PCBP3: variants seen among roughly 807,000 people sequenced by gnomAD.
PCBP3 encodes poly(rC)-binding protein 3.
Under a neutral mutation model 52.7 loss-of-function variants are expected in PCBP3, and 25 were observed. The observed-to-expected ratio is 0.47, with a 90% CI of 0.35 to 0.66. The LOEUF (loss-of-function observed/expected upper bound fraction) is 0.66, where lower values mean the gene tolerates loss of function less well. Ranked by LOEUF, PCBP3 falls within the 30% of genes least tolerant of loss-of-function variation. PCBP3 has a pLI of 0.01. For synonymous variants in PCBP3, 162 were observed against 183.0 expected (o/e 0.89, Z 0.93); for missense variants, 391 against 490.3 (o/e 0.80, Z 1.91).
intron 5 of PCBP3, among the ~76,000 whole-genome samples, chr21:45,874,996 T>C (rs908986227): frequency 6.6e-6 from 1 of 152,178 alleles, no homozygotes; most frequent in African/African-American, 2.4e-5. Flanking sequence ...GCCAGCCCCC[T>C]GTCCAAGTAG....
intron 2 of PCBP3, among the ~76,000 whole-genome samples, chr21:45,679,235 C>T (rs2081670480): frequency 6.6e-6 from 1 of 152,068 alleles, no homozygotes; most frequent in Non-Finnish European, 1.5e-5. Context: ...ATTGTCCTGC[C>T]TCAGCCTCCT....
At chr21:45,908,320 G>A (rs1028976970) in intron 9 of PCBP3, among the ~76,000 whole-genome samples, 1 of 152,246 alleles carries the variant, frequency 6.6e-6, no homozygotes, top group African/African-American at 2.4e-5. Flanking sequence ...TCCCTAACCC[G>A]ACACCTTGAC....
chr21:45,860,216 C>A (rs749739563), intron 5 of PCBP3, among the ~76,000 whole-genome samples: 6 of 152,240 alleles, frequency 3.9e-5, no homozygotes, highest in Non-Finnish European at 7.3e-5. Context: ...CTTCCTGTGG[C>A]TTCCAAGTCC....
rs1055377041 is a variant in PCBP3 at position 45,805,154 on chromosome 21, C to T, written c.-125-44807C>T. Among the ~76,000 whole-genome samples the T allele has an allele frequency of 4.7e-4, 71 of 152,160 alleles. 1 individual carries two copies. Among genetic ancestry groups the T allele is most frequent in the Non-Finnish European group, 1.2e-4 (8 of 68,030 alleles). Reference sequence around the variant, plus strand: ...CTTGGGCCATGGCTACCACATATGGCGCTTCCTAGCCGGGCACTATGCCAC... The same window carrying T: ...CTTGGGCCATGGCTACCACATATGGTGCTTCCTAGCCGGGCACTATGCCAC... On this transcript the variant is annotated intron_variant, in intron 4 of 17. Coordinates refer to ENST00000681687, the MANE Select transcript of PCBP3 (RefSeq NM_001384156.1). This position sits in a 1 kb window ranked among gnomAD's most constrained non-coding sequence, Gnocchi z 4.6.
At chr21:45,834,064 T>C (rs1422717383) in intron 4 of PCBP3, among the ~76,000 whole-genome samples, 1 of 151,936 alleles carries the variant, frequency 6.6e-6, no homozygotes, top group Non-Finnish European at 1.5e-5. Flanking sequence ...GGACATGTCC[T>C]GGGTAGGGAA....
intron 5 of PCBP3, among the ~76,000 whole-genome samples, chr21:45,883,455 C>G (rs1057513228): frequency 6.6e-6 from 1 of 152,140 alleles, no homozygotes; most frequent in Non-Finnish European, 1.5e-5. Context: ...AATTCTCTGC[C>G]CAGTGGTTCT....
At chr21:45,840,800 C>T (rs747447238) in intron 4 of PCBP3, among the ~76,000 whole-genome samples, 2 of 152,106 alleles carry the variant, frequency 1.3e-5, no homozygotes, top group East Asian at 1.9e-4. Flanking sequence ...TTTTTTGTAG[C>T]GCTGAGGTCT....
rs553027695 is a variant in PCBP3, at chr21:45,770,637, C to T, written c.-126+15185C>T. On this transcript the variant is annotated intron_variant, in intron 4 of 17. Transcript: ENST00000681687. Reference sequence around the variant, plus strand: ...TCTGCTGTGAGCCCTCATTTTTCACCGGGATCTCCTTTAAGGTTATTCGGA... The same window carrying T: ...TCTGCTGTGAGCCCTCATTTTTCACTGGGATCTCCTTTAAGGTTATTCGGA... 3.9e-5 allele frequency among the ~76,000 whole-genome samples: 6 copies of T among 152,296 alleles called. No homozygotes were observed. The South Asian group carries it at 8.3e-4, about 21-fold the overall frequency.
chr21:45,769,125 T>A (rs2089635591), intron 4 of PCBP3, among the ~76,000 whole-genome samples: 1 of 152,182 alleles, frequency 6.6e-6, no homozygotes, highest in African/African-American at 2.4e-5. Context: ...TTCATTTGTT[T>A]CTCCACTGAA....
At chr21:45,662,912 C>T (rs977475338) in intron 1 of PCBP3, among the ~76,000 whole-genome samples, 4 of 152,094 alleles carry the variant, frequency 2.6e-5, no homozygotes, top group Admixed American at 2.6e-4. Context: ...GGGAGTCTCC[C>T]TTTCCCTGGG....
At chr21:45,719,179 A>G (rs915562259) in intron 2 of PCBP3, among the ~76,000 whole-genome samples, 5 of 151,950 alleles carry the variant, frequency 3.3e-5, no homozygotes, top group African/African-American at 1.2e-4. Flanking sequence ...CGTAATCCTC[A>G]CCCTGCAATA....
chr21:45,926,210 G>C (rs1249130314), intron 13 of PCBP3, among the ~76,000 whole-genome samples: 1 of 152,210 alleles, frequency 6.6e-6, no homozygotes, highest in African/African-American at 2.4e-5. Context: ...TGGTGACCTT[G>C]CAGCTGACCT....
In PCBP3 at chr21:45,917,902, G is replaced by A. The variant is rs2073768763; in HGVS notation, c.717+273G>A. On this transcript the variant is annotated intron_variant, in intron 13 of 17. Coordinates refer to ENST00000681687, the MANE Select transcript of PCBP3 (RefSeq NM_001384156.1). This position sits in a 1 kb window ranked among gnomAD's most constrained non-coding sequence, Gnocchi z 5.3. The stretch of plus-strand genomic sequence containing the variant: ...CCTCCCTCCCACGGGGCCTGGGAGG[G>A]AACTGAGACGGGCTCTGTCCCCGTG... 1 of 488,172 alleles carries A rather than the reference G, an allele frequency of 2.0e-6. No individual in the cohort carries two copies. The highest frequency in any genetic ancestry group is 2.9e-5 in the Admixed American group (1 of 34,218). 30.2% of individuals were successfully genotyped at this position (488,172 alleles called of 1,614,324 possible).
intron 5 of PCBP3, among the ~76,000 whole-genome samples, chr21:45,877,081 C>T (rs939733547): frequency 5.9e-5 from 9 of 152,280 alleles, no homozygotes; most frequent in Non-Finnish European, 1.3e-4. Flanking sequence ...CCCCAGCAAA[C>T]AAGCCTTACA....
chr21:45,772,203 C>CCT (rs2145831115), intron 4 of PCBP3, among the ~76,000 whole-genome samples: 1 of 152,216 alleles, frequency 6.6e-6, no homozygotes, highest in East Asian at 1.9e-4. Flanking sequence ...TCCTCTTCAT[C>CCT]CTCTCCCCTA....
intron 1 of PCBP3, among the ~76,000 whole-genome samples, chr21:45,649,962 A>G (rs1233012948): frequency 6.6e-6 from 1 of 152,076 alleles, no homozygotes; most frequent in Non-Finnish European, 1.5e-5. Context: ...ATCGTGATTG[A>G]GATGAGATAT....
intron 4 of PCBP3, among the ~76,000 whole-genome samples, chr21:45,785,082 G>A (rs1229769221): frequency 2.6e-5 from 4 of 151,686 alleles, no homozygotes; most frequent in Non-Finnish European, 4.4e-5. Context: ...CGCCCCGTCC[G>A]GGATGTGAGG....
intron 4 of PCBP3, among the ~76,000 whole-genome samples, chr21:45,846,144 G>A (rs569383565): frequency 3.9e-5 from 6 of 152,326 alleles, no homozygotes; most frequent in Non-Finnish European, 7.3e-5. Context: ...GTGTCGTTCT[G>A]TCATGTCACT....
chr21:45,729,091 C>G (rs1211703322), intron 2 of PCBP3, among the ~76,000 whole-genome samples: 4 of 152,304 alleles, frequency 2.6e-5, no homozygotes, highest in Middle Eastern at 3.4e-3. Context: ...TGTCCTTATG[C>G]CCTGGAAACC....
Sources: gnomAD v4.1 joint callset for allele counts (sites outside exome capture counted in the v4.1 genomes callset) on GRCh38, gnomAD v4.1.1 for gene constraint, Gnocchi (gnomAD v3.1) non-coding constraint, MANE v1.5 for transcripts, NCBI Gene and HGNC (gene_info 2026-07-23, HGNC 2026-07-21) for gene names.